PCDH7: variants seen among roughly 807,000 people sequenced by gnomAD.
The protein encoded by PCDH7 is protocadherin-7.
In PCDH7, 17 loss-of-function variants were observed where a neutral mutation model predicts 58.9. The ratio of observed to expected loss-of-function variants is 0.29; its 90% confidence interval spans 0.20 to 0.43. PCDH7 has a LOEUF of 0.43. PCDH7 is among the 20% of genes least tolerant of loss of function. PCDH7 has a pLI of 1.00. For synonymous variants in PCDH7, 664 were observed against 616.4 expected (o/e 1.08, Z -1.14); for missense variants, 1,274 against 1,441.0 (o/e 0.88, Z 1.88).
intron 3 of PCDH7, among the ~76,000 whole-genome samples, chr4:31,102,543 C>G (rs1000273368): frequency 2.0e-5 from 3 of 151,686 alleles, no homozygotes; most frequent in African/African-American, 7.3e-5. Context: ...GCCAACATGG[C>G]GAAACTCTGT....
chr4:30,824,200 T>C (rs1728821107), intron 1 of PCDH7, among the ~76,000 whole-genome samples: 1 of 150,650 alleles, frequency 6.6e-6, no homozygotes, highest in Non-Finnish European at 1.5e-5. Context: ...TTCTATCTTC[T>C]GGGAAATCTT....
At chr4:30,844,297 T>C (rs1560427898) in intron 1 of PCDH7, among the ~76,000 whole-genome samples, 1 of 152,208 alleles carries the variant, frequency 6.6e-6, no homozygotes, top group Non-Finnish European at 1.5e-5. Context: ...TAAAAACTCA[T>C]CTTATCATTG....
At chr4:30,771,974 G>A (rs766881842) in intron 1 of PCDH7, among the ~76,000 whole-genome samples, 3 of 151,992 alleles carry the variant, frequency 2.0e-5, no homozygotes, top group Non-Finnish European at 4.4e-5. Context: ...GGGTTCAAGC[G>A]ATTCTCGTGC....
At chr4:31,017,728 A>G (rs1465665590) in intron 3 of PCDH7, among the ~76,000 whole-genome samples, 1 of 151,040 alleles carries the variant, frequency 6.6e-6, no homozygotes, top group Admixed American at 6.6e-5. Flanking sequence ...AAAAAAATAA[A>G]ATAAAATTAA....
intron 3 of PCDH7, among the ~76,000 whole-genome samples, chr4:30,956,076 AG>A (rs1747835509): frequency 6.6e-6 from 1 of 151,620 alleles, no homozygotes; most frequent in Admixed American, 6.6e-5. Flanking sequence ...TAGCCAGGCA[AG>A]GTGGTGCACG....
chr4:31,105,449 GT>G (rs1201567435), intron 3 of PCDH7, among the ~76,000 whole-genome samples: 13 of 152,054 alleles, frequency 8.5e-5, no homozygotes, highest in African/African-American at 3.1e-4. Flanking sequence ...TATAAGAACG[GT>G]TGGGTGGAAG....
intron 1 of PCDH7, among the ~76,000 whole-genome samples, chr4:30,891,500 TC>T (rs1738600926): frequency 6.6e-6 from 1 of 152,064 alleles, no homozygotes; most frequent in Non-Finnish European, 1.5e-5. Flanking sequence ...TTACATTAGA[TC>T]AAGTGAATAG....
intron 1 of PCDH7, among the ~76,000 whole-genome samples, chr4:30,729,454 C>T (rs1241693251): frequency 6.6e-6 from 1 of 151,728 alleles, no homozygotes; most frequent in African/African-American, 2.4e-5. Flanking sequence ...ATTCTTTTCC[C>T]TCATGTAGGA....
At chr4:30,753,798 A>G (rs964443660) in intron 1 of PCDH7, among the ~76,000 whole-genome samples, 1 of 152,172 alleles carries the variant, frequency 6.6e-6, no homozygotes, top group African/African-American at 2.4e-5. Flanking sequence ...TTTTTTTAAG[A>G]ATTCCTCCCA....
intron 1 of PCDH7, among the ~76,000 whole-genome samples, chr4:30,845,408 G>A (rs1731789889): frequency 6.6e-6 from 1 of 152,036 alleles, no homozygotes; most frequent in South Asian, 2.1e-4. Flanking sequence ...TTTAACTTGT[G>A]GAGTTGAAGT....
chr4:30,988,509 G>A (rs367572962), intron 3 of PCDH7, among the ~76,000 whole-genome samples: 45 of 152,168 alleles, frequency 3.0e-4, no homozygotes, highest in Admixed American at 6.5e-4. Flanking sequence ...TATTTCATTA[G>A]CATTTAGTAC....
intron 3 of PCDH7, among the ~76,000 whole-genome samples, chr4:30,998,166 A>G (rs1752063070): frequency 6.6e-6 from 1 of 152,158 alleles, no homozygotes; most frequent in African/African-American, 2.4e-5. Context: ...TAAATAAGAC[A>G]GAAGAGTTGG....
intron 1 of PCDH7, among the ~76,000 whole-genome samples, chr4:30,895,597 G>A (rs1739300693): frequency 6.6e-6 from 1 of 151,956 alleles, no homozygotes; most frequent in South Asian, 2.1e-4. Context: ...CTGTCAGCTG[G>A]CCAGTGGTAA....
intron 3 of PCDH7, among the ~76,000 whole-genome samples, chr4:31,030,183 G>C (rs532817565): frequency 1.2e-4 from 19 of 152,162 alleles, no homozygotes; most frequent in African/African-American, 4.6e-4. Context: ...GTGTATGGGA[G>C]TGGTGTTCAG....
In PCDH7 at chr4:30,720,583, C is replaced by A. The variant is rs1471031166; in HGVS notation, c.-840C>A. ...CAGAGTTGTTAAGAAAAAAGAGAAA[C>A]CCGCGCTCTCCGGGGTGAGAAGGGA... is the stretch of plus-strand genomic sequence containing the variant. On this transcript the variant is annotated 5_prime_UTR_variant, in exon 1 of 2. Transcript: ENST00000361762. The surrounding 1 kb of genome is among the most constrained non-coding windows in gnomAD (Gnocchi z 4.7). 1 of 152,644 alleles carries A rather than the reference C, an allele frequency of 6.6e-6. No individual in the cohort carries two copies. The highest frequency in any genetic ancestry group is 2.4e-5 in the African/African-American group (1 of 41,470). The allele number at this position is 152,644 out of a possible 1,614,324, so 9.5% of individuals were successfully genotyped here.
chr4:31,136,468 AGGAAT>A (rs996023437), intron 3 of PCDH7, among the ~76,000 whole-genome samples: 1 of 152,204 alleles, frequency 6.6e-6, no homozygotes, highest in Non-Finnish European at 1.5e-5. Flanking sequence ...GGAAGGGCCC[AGGAAT>A]GGTACAGATG....
chr4:31,113,745 A>G (rs557321734), intron 3 of PCDH7, among the ~76,000 whole-genome samples: 3 of 152,130 alleles, frequency 2.0e-5, no homozygotes, highest in Non-Finnish European at 2.9e-5. Context: ...GCAGTAACAC[A>G]AAATAACTCT....
chr4:30,904,214 C>T (rs1303988970), intron 1 of PCDH7, among the ~76,000 whole-genome samples: 1 of 152,164 alleles, frequency 6.6e-6, no homozygotes, highest in Admixed American at 6.5e-5. Context: ...TAAAACAATG[C>T]ACATTTGTTA....
chr4:30,859,172 C>G (rs1250302915), intron 1 of PCDH7, among the ~76,000 whole-genome samples: 1 of 152,082 alleles, frequency 6.6e-6, no homozygotes, highest in East Asian at 1.9e-4. Flanking sequence ...ATTTTTAGGA[C>G]AAAGTGCCTA....
Sources: gnomAD v4.1 joint callset for allele counts (sites outside exome capture counted in the v4.1 genomes callset) on GRCh38, gnomAD v4.1.1 for gene constraint, Gnocchi (gnomAD v3.1) non-coding constraint, MANE v1.5 for transcripts, NCBI Gene and HGNC (gene_info 2026-07-23, HGNC 2026-07-21) for gene names.